UNC5C: variants seen among roughly 807,000 people sequenced by gnomAD.
The protein encoded by UNC5C is unc-5 netrin receptor C, also known as netrin receptor UNC5C.
In UNC5C, 47 loss-of-function variants were observed where a neutral mutation model predicts 99.8. That is an observed-to-expected ratio of 0.47 (90% CI 0.37 to 0.60). The LOEUF (loss-of-function observed/expected upper bound fraction) is 0.60, where lower values mean the gene tolerates loss of function less well. UNC5C is among the 20% of genes least tolerant of loss of function. The probability of loss-of-function intolerance (pLI) is 0.00; values close to 1 mark genes in which losing one functional copy is unlikely to be tolerated. For synonymous variants in UNC5C, 487 were observed against 452.2 expected, an observed-to-expected ratio of 1.08 and a Z score of -0.98; for missense variants, 1,062 against 1,165.9, an observed-to-expected ratio of 0.91 and a Z score of 1.30.
At chr4:95,484,645 T>A (rs769470319) in intron 1 of UNC5C, among the ~76,000 whole-genome samples, 4 of 151,844 alleles carry the variant, frequency 2.6e-5, no homozygotes, top group Non-Finnish European at 5.9e-5. Context: ...TCCTCTAGTA[T>A]CCTTACCCAT....
intron 7 of UNC5C, among the ~76,000 whole-genome samples, chr4:95,220,911 A>G (rs1202524033): frequency 6.6e-6 from 1 of 152,186 alleles, no homozygotes. Context: ...ACTCATTACT[A>G]GAATAAAATA....
intron 15 of UNC5C, 94 bp downstream of exon 15, chr4:95,170,060 G>GA (rs1044783630): frequency 7.0e-4 from 998 of 1,433,834 alleles, no homozygotes; most frequent in African/African-American, 2.7e-3. Flanking sequence ...TGTGTGGATG[G>GA]AAAAAAAAAT....
At chr4:95,187,100 A>ATGT (rs146631847) in intron 12 of UNC5C, among the ~76,000 whole-genome samples, 1 of 152,330 alleles carries the variant, frequency 6.6e-6, no homozygotes, top group East Asian at 1.9e-4. Flanking sequence ...TAATGAGCTT[A>ATGT]TGTTGATCAT....
In UNC5C at chr4:95,269,711, AT is replaced by A. The variant is rs761307320; in HGVS notation, c.594+8547del. ...CAGTTAGAATAGCAAGGCCTTGACA[AT>A]TTTTTTTTTTTTTAAATGAGACCGA... On this transcript the variant is annotated intron_variant, in intron 4 of 15. Transcript: ENST00000453304. 3.6e-3 allele frequency among the ~76,000 whole-genome samples: 518 copies of A among 143,596 alleles called. 1 individual carries two copies. The highest frequency in any genetic ancestry group is 4.9e-3 in the African/African-American group (195 of 39,454). The allele number at this position is 143,596 out of a possible 152,430, so 94.2% of individuals were successfully genotyped here. A position where few individuals can be genotyped will look rare whatever the true frequency, so the allele number is the denominator to read the frequency against.
At chr4:95,323,984 C>T (rs1238490937) in intron 2 of UNC5C, among the ~76,000 whole-genome samples, 11 of 151,874 alleles carry the variant, frequency 7.2e-5, no homozygotes, top group South Asian at 2.1e-4. Flanking sequence ...TGCAGTGAGC[C>T]GAGATCATGC....
chr4:95,237,050 A>G (rs1402486162), intron 7 of UNC5C, among the ~76,000 whole-genome samples: 1 of 152,142 alleles, frequency 6.6e-6, no homozygotes, highest in South Asian at 2.1e-4. Flanking sequence ...TATACTTTAA[A>G]CCATCTCTAG....
At chr4:95,222,940 C>T (rs984657564) in intron 7 of UNC5C, among the ~76,000 whole-genome samples, 1 of 152,020 alleles carries the variant, frequency 6.6e-6, no homozygotes, top group Non-Finnish European at 1.5e-5. Context: ...TCAATAGGGC[C>T]TAGAGGTTAT....
intron 1 of UNC5C, among the ~76,000 whole-genome samples, chr4:95,376,029 G>T (rs1420898812): frequency 6.6e-6 from 1 of 151,886 alleles, no homozygotes; most frequent in Admixed American, 6.6e-5. Context: ...CTCCAGCCTG[G>T]GCAACATAGC....
intron 9 of UNC5C, among the ~76,000 whole-genome samples, chr4:95,218,431 A>C (rs986798402): frequency 6.6e-6 from 1 of 152,208 alleles, no homozygotes; most frequent in Admixed American, 6.5e-5. Flanking sequence ...CTGGATACAA[A>C]TATCAGAGGT....
intron 1 of UNC5C, among the ~76,000 whole-genome samples, chr4:95,380,020 T>TC (rs1745019094): frequency 6.6e-6 from 1 of 152,172 alleles, no homozygotes; most frequent in Non-Finnish European, 1.5e-5. Context: ...TTGCTCCTAC[T>TC]CCATTAGAAA....
At chr4:95,260,402 AG>A (rs1403204993) in intron 4 of UNC5C, among the ~76,000 whole-genome samples, 4 of 152,172 alleles carry the variant, frequency 2.6e-5, no homozygotes, top group African/African-American at 9.7e-5. Flanking sequence ...CTGGGGTGGC[AG>A]GTATTAGGGA....
intron 1 of UNC5C, among the ~76,000 whole-genome samples, chr4:95,521,672 A>T (rs1722362004): frequency 6.6e-6 from 1 of 152,194 alleles, no homozygotes; most frequent in Non-Finnish European, 1.5e-5. Context: ...AGACACAAAC[A>T]TTCAGTCCAT....
At chr4:95,452,444 G>A (rs1322680839) in intron 1 of UNC5C, among the ~76,000 whole-genome samples, 4 of 152,056 alleles carry the variant, frequency 2.6e-5, no homozygotes, top group Admixed American at 6.6e-5. Context: ...CCAGACCACG[G>A]AGGGTTTCAC....
chr4:95,412,793 C>T (rs1444542844), intron 1 of UNC5C, among the ~76,000 whole-genome samples: 2 of 152,066 alleles, frequency 1.3e-5, no homozygotes, highest in Non-Finnish European at 2.9e-5. Context: ...TTCCCGCTGT[C>T]AACAGAAAGA....
At chr4:95,356,207 A>C (rs1281747454) in intron 1 of UNC5C, among the ~76,000 whole-genome samples, 6 of 138,298 alleles carry the variant, frequency 4.3e-5, no homozygotes, top group Admixed American at 7.7e-5. Context: ...AAAAAAAAAA[A>C]AAAAACAAAA....
chr4:95,163,963 CA>C lies in UNC5C; in HGVS notation c.*5270del, dbSNP rs1735769943. On this transcript the variant is annotated 3_prime_UTR_variant, in exon 16 of 16. Coordinates refer to ENST00000453304, the MANE Select transcript of UNC5C (RefSeq NM_003728.4). ...GTTTGTCCTGCTGATGCCCCCCAAC[CA>C]TGCTAAATAGGTCTGAGGCACACAT... 1 of 152,218 alleles carries C rather than the reference CA, an allele frequency of 6.6e-6. No homozygotes were observed. Among genetic ancestry groups the C allele is most frequent in the South Asian group, 2.1e-4 (1 of 4,824 alleles). 9.4% of individuals were successfully genotyped at this position (152,218 alleles called of 1,614,324 possible). A position where few individuals can be genotyped will look rare whatever the true frequency, so the allele number is the denominator to read the frequency against.
At chr4:95,361,701 C>G (rs1162503535) in intron 1 of UNC5C, among the ~76,000 whole-genome samples, 1 of 152,102 alleles carries the variant, frequency 6.6e-6, no homozygotes, top group East Asian at 1.9e-4. Context: ...ATAAGACAGC[C>G]ATTTGCATTG....
chr4:95,393,601 G>A (rs1390523837), intron 1 of UNC5C, among the ~76,000 whole-genome samples: 3 of 152,112 alleles, frequency 2.0e-5, no homozygotes, highest in African/African-American at 7.2e-5. Flanking sequence ...TTTTTGTTGT[G>A]TCTAAGTATT....
At chr4:95,249,654 A>G (rs1336170679) in intron 5 of UNC5C, among the ~76,000 whole-genome samples, 1 of 152,224 alleles carries the variant, frequency 6.6e-6, no homozygotes, top group African/African-American at 2.4e-5. Context: ...AGATAAAAGC[A>G]TATGTGCCAC....
Sources: gnomAD v4.1 joint callset for allele counts (sites outside exome capture counted in the v4.1 genomes callset) on GRCh38, gnomAD v4.1.1 for gene constraint, MANE v1.5 for transcripts, NCBI Gene and HGNC (gene_info 2026-07-23, HGNC 2026-07-21) for gene names.